Variants in NEK11 observed in about 807,000 individuals in gnomAD.
NEK11 encodes the protein serine/threonine-protein kinase Nek11.
NEK11 carries 72 observed loss-of-function variants against 80.7 expected under a neutral mutation model. That is an observed-to-expected ratio of 0.89 (90% CI 0.74 to 1.08). NEK11 has a LOEUF of 1.08. NEK11 is among the 50% of genes least tolerant of loss of function. The pLI, the probability that NEK11 is intolerant of heterozygous loss-of-function variation, is 0.00. For synonymous variants in NEK11, 251 were observed against 260.7 expected, an observed-to-expected ratio of 0.96 and a Z score of 0.36; for missense variants, 764 against 763.6, an observed-to-expected ratio of 1.00 and a Z score of -0.01.
intron 16 of NEK11, among the ~76,000 whole-genome samples, chr3:131,261,420 C>G (rs1379384093): frequency 6.6e-6 from 1 of 152,156 alleles, no homozygotes; most frequent in Non-Finnish European, 1.5e-5. Flanking sequence ...TTGGTCCCAG[C>G]CATTTGCTTC....
Position 131,149,848 on chromosome 3 carries a change from C to A in NEK11, c.648-2540C>A, listed in dbSNP as rs755044347. 2.7e-4 allele frequency among the ~76,000 whole-genome samples: 41 copies of A among 151,570 alleles called. 1 individual carries two copies. The highest frequency in any genetic ancestry group is 4.3e-4 in the Non-Finnish European group (29 of 67,788). On this transcript the variant is annotated intron_variant, in intron 7 of 17. Coordinates refer to ENST00000383366, the MANE Select transcript of NEK11 (RefSeq NM_024800.5). ...TTGTTTATTTCTATTTCATTAATTT[C>A]TTCTCTTTTAAAATTTATTTCCTTA...
At chr3:131,296,178 G>A (rs1406109655) in intron 17 of NEK11, among the ~76,000 whole-genome samples, 3 of 152,024 alleles carry the variant, frequency 2.0e-5, no homozygotes, top group Non-Finnish European at 4.4e-5. Context: ...CACTTCATAG[G>A]TAATGTGGGT....
intron 7 of NEK11, among the ~76,000 whole-genome samples, chr3:131,136,289 A>G (rs1334905755): frequency 6.6e-6 from 1 of 152,168 alleles, no homozygotes; most frequent in Non-Finnish European, 1.5e-5. Flanking sequence ...CTATTGCCAA[A>G]CCTAAAATGG....
intron 15 of NEK11, among the ~76,000 whole-genome samples, chr3:131,232,419 C>G (rs1291907755): frequency 6.6e-6 from 1 of 152,190 alleles, no homozygotes; most frequent in Non-Finnish European, 1.5e-5. Context: ...CAGTAATACA[C>G]ATACTAGGTG....
intron 15 of NEK11, among the ~76,000 whole-genome samples, chr3:131,237,466 G>A (rs1325884566): frequency 1.3e-5 from 2 of 152,084 alleles, no homozygotes; most frequent in Non-Finnish European, 2.9e-5. Context: ...CACCTTCATG[G>A]GATCTCACTC....
rs186617384 is a variant in NEK11, at chr3:131,213,012, A to G, written c.1400-15516A>G. 3.0e-4 allele frequency among the ~76,000 whole-genome samples: 46 copies of G among 152,272 alleles called. No individual in the cohort carries two copies. The East Asian group carries it at 7.1e-3, about 24-fold the overall frequency. On this transcript the variant is annotated intron_variant, in intron 14 of 17. Coordinates refer to ENST00000383366, the MANE Select transcript of NEK11 (RefSeq NM_024800.5). ...AAGAGAAGAAGACTGATCTTCCCCA[A>G]AGAAGAAGGAATTCTGTCTCCAGGC...
chr3:131,110,777 T>A (rs1365082738), intron 5 of NEK11, among the ~76,000 whole-genome samples: 4 of 152,178 alleles, frequency 2.6e-5, no homozygotes, highest in Admixed American at 1.3e-4. Flanking sequence ...TGCTTAAATG[T>A]GTCATCTGTA....
At chr3:131,280,647 C>G (rs922090871) in intron 17 of NEK11, among the ~76,000 whole-genome samples, 2 of 152,080 alleles carry the variant, frequency 1.3e-5, no homozygotes, top group Admixed American at 6.5e-5. Context: ...TTAACATGTT[C>G]AATATTTCCT....
intron 4 of NEK11, among the ~76,000 whole-genome samples, chr3:131,086,695 G>A (rs1044019084): frequency 6.6e-6 from 1 of 152,132 alleles, no homozygotes; most frequent in Non-Finnish European, 1.5e-5. Context: ...TAAATCCAGG[G>A]CAGAACTAGG....
At chr3:131,157,526 A>C (rs892406613) in intron 10 of NEK11, among the ~76,000 whole-genome samples, 1 of 152,196 alleles carries the variant, frequency 6.6e-6, no homozygotes, top group African/African-American at 2.4e-5. Flanking sequence ...TAGAAAACAT[A>C]GTCAATAAAA....
At chr3:131,130,408 A>G (rs1317501202) in intron 5 of NEK11, among the ~76,000 whole-genome samples, 2 of 151,978 alleles carry the variant, frequency 1.3e-5, no homozygotes, top group Admixed American at 6.5e-5. Context: ...TTCCTTTCCC[A>G]TCTCTATTCC....
chr3:131,195,213 C>T (rs1246118648), intron 14 of NEK11, among the ~76,000 whole-genome samples: 1 of 152,112 alleles, frequency 6.6e-6, no homozygotes, highest in Non-Finnish European at 1.5e-5. Context: ...GAAAAACTTT[C>T]ACGTGGCCTA....
intron 5 of NEK11, among the ~76,000 whole-genome samples, chr3:131,131,226 G>T (rs1265979225): frequency 6.6e-6 from 1 of 152,184 alleles, no homozygotes; most frequent in Admixed American, 6.5e-5. Flanking sequence ...TTAGGATGAT[G>T]CTGACATCTT....
intron 16 of NEK11, among the ~76,000 whole-genome samples, chr3:131,265,099 TGAA>T (rs1261191535): frequency 2.0e-5 from 3 of 152,222 alleles, no homozygotes; most frequent in Non-Finnish European, 4.4e-5. Context: ...GCTTATCAGC[TGAA>T]GTAGTTTTTG....
chr3:131,177,563 C>G (rs1263164403), intron 14 of NEK11, among the ~76,000 whole-genome samples: 10 of 152,100 alleles, frequency 6.6e-5, no homozygotes, highest in Non-Finnish European at 1.5e-4. Context: ...AAGACGTCCT[C>G]CTTGATTCGA....
Position 131,070,199 on chromosome 3 carries a change from C to G in NEK11, c.171-10224C>G, listed in dbSNP as rs74948100. 4.3e-4 allele frequency among the ~76,000 whole-genome samples: 66 copies of G among 152,258 alleles called. 2 individuals carry two copies. In the East Asian group the frequency reaches 0.013, roughly 29 times the overall value. ...GCTGTAAGCTCAGAACTTCTCAAAG[C>G]GTAATGGAGTGAATGAGTGATTTGT... On this transcript the variant is annotated intron_variant, in intron 3 of 17. Transcript: ENST00000383366.
At chr3:131,336,132 T>C (rs1330961609) in intron 17 of NEK11, among the ~76,000 whole-genome samples, 1 of 152,120 alleles carries the variant, frequency 6.6e-6, no homozygotes, top group Non-Finnish European at 1.5e-5. Flanking sequence ...AAAGTTCATA[T>C]GGAACCAAAA....
intron 5 of NEK11, among the ~76,000 whole-genome samples, chr3:131,122,948 A>G (rs1181863271): frequency 4.6e-5 from 7 of 152,222 alleles, no homozygotes; most frequent in South Asian, 4.1e-4. Flanking sequence ...AGAGGGACCC[A>G]CCACTTGAAC....
chr3:131,269,526 A>G (rs1263406909), intron 16 of NEK11, among the ~76,000 whole-genome samples: 1 of 151,974 alleles, frequency 6.6e-6, no homozygotes, highest in Non-Finnish European at 1.5e-5. Context: ...GCGACGCCCC[A>G]CCCTGCTTCA....
Sources: gnomAD v4.1 joint callset for allele counts (sites outside exome capture counted in the v4.1 genomes callset) on GRCh38, gnomAD v4.1.1 for gene constraint, MANE v1.5 for transcripts, NCBI Gene and HGNC (gene_info 2026-07-23, HGNC 2026-07-21) for gene names.